SLC14A2: variants seen among roughly 807,000 people sequenced by gnomAD.
The protein encoded by SLC14A2 is solute carrier family 14 member 2, also known as urea transporter 2.
A neutral mutation model predicts 104.6 loss-of-function variants in SLC14A2; 91 were observed. That is an observed-to-expected ratio of 0.87 (90% CI 0.73 to 1.04). The LOEUF (loss-of-function observed/expected upper bound fraction) is 1.04, where lower values mean the gene tolerates loss of function less well. SLC14A2 is among the 50% of genes least tolerant of loss of function. The pLI is 0.00. For synonymous variants in SLC14A2, 476 were observed against 466.4 expected, an observed-to-expected ratio of 1.02 and a Z score of -0.27; for missense variants, 1,189 against 1,156.0, an observed-to-expected ratio of 1.03 and a Z score of -0.41.
intron 1 of SLC14A2, among the ~76,000 whole-genome samples, chr18:45,479,421 A>G (rs1023490257): frequency 6.6e-6 from 1 of 152,224 alleles, no homozygotes; most frequent in African/African-American, 2.4e-5. Flanking sequence ...AAGAACTTTA[A>G]CAATGAATTC....
chr18:45,546,959 A>G (rs1442777522), intron 2 of SLC14A2, among the ~76,000 whole-genome samples: 2 of 152,156 alleles, frequency 1.3e-5, no homozygotes, highest in African/African-American at 2.4e-5. Flanking sequence ...TAGGAAACAC[A>G]TAATCAAACC....
At chr18:45,575,728 T>C (rs1346812608) in intron 2 of SLC14A2, among the ~76,000 whole-genome samples, 1 of 151,924 alleles carries the variant, frequency 6.6e-6, no homozygotes, top group African/African-American at 2.4e-5. Flanking sequence ...TAAATATAAA[T>C]CAAAATAGTT....
At chr18:45,525,790 A>G (rs2043587647) in intron 2 of SLC14A2, among the ~76,000 whole-genome samples, 1 of 152,212 alleles carries the variant, frequency 6.6e-6, no homozygotes, top group Non-Finnish European at 1.5e-5. Context: ...GTCACAATGC[A>G]ATAGCAACTC....
intron 1 of SLC14A2, among the ~76,000 whole-genome samples, chr18:45,301,135 A>G (rs61280740): frequency 0.01 from 1,542 of 152,332 alleles, 25 homozygotes; most frequent in African/African-American, 0.034. Context: ...CATTTTATAA[A>G]GCATCTTCAC....
intron 1 of SLC14A2, among the ~76,000 whole-genome samples, chr18:45,470,899 T>C (rs1717713113): frequency 6.6e-6 from 1 of 152,168 alleles, no homozygotes. Flanking sequence ...TCCCTTCAAC[T>C]TCTGAATTTT....
At chr18:45,292,286 A>T (rs1022864094) in intron 1 of SLC14A2, among the ~76,000 whole-genome samples, 3 of 152,332 alleles carry the variant, frequency 2.0e-5, no homozygotes, top group African/African-American at 7.2e-5. Context: ...AATTATTTCA[A>T]TTTCAGTACC....
In SLC14A2 at chr18:45,670,144, C is replaced by A. The variant is rs186128533; in HGVS notation, c.2229+646C>A. Among the ~76,000 whole-genome samples the A allele has an allele frequency of 5.9e-4, 90 of 152,088 alleles. 1 individual carries two copies. In the East Asian group the frequency reaches 0.016, roughly 26 times the overall value. On this transcript the variant is annotated intron_variant, in intron 16 of 19. Transcript: ENST00000255226. ...AAAAACAAAAACCCCAAAATCAAAT[C>A]GTTTTCTTGCTAAATACTGGTGCTT...
At chr18:45,229,853 T>C (rs985003443) in intron 1 of SLC14A2, among the ~76,000 whole-genome samples, 7 of 149,944 alleles carry the variant, frequency 4.7e-5, no homozygotes, top group African/African-American at 1.7e-4. Context: ...CCCTATGGAA[T>C]GAACATGATT....
At chr18:45,278,312 T>A (rs1396470487) in intron 1 of SLC14A2, among the ~76,000 whole-genome samples, 2 of 152,200 alleles carry the variant, frequency 1.3e-5, no homozygotes, top group African/African-American at 2.4e-5. Context: ...GGTCGGATAA[T>A]TTTTTGTTGT....
At chr18:45,397,662 A>C (rs778497317) in intron 1 of SLC14A2, among the ~76,000 whole-genome samples, 6 of 152,128 alleles carry the variant, frequency 3.9e-5, no homozygotes, top group Non-Finnish European at 8.8e-5. Context: ...GAAGCTCTTA[A>C]GTTTAATTAG....
intron 1 of SLC14A2, among the ~76,000 whole-genome samples, chr18:45,327,929 T>C (rs2085252128): frequency 6.6e-6 from 1 of 152,180 alleles, no homozygotes; most frequent in Non-Finnish European, 1.5e-5. Context: ...GTGCCTACTT[T>C]TCTCTGAACT....
chr18:45,503,128 G>A (rs9944907), intron 2 of SLC14A2, among the ~76,000 whole-genome samples: 4,623 of 152,188 alleles, frequency 0.03, 259 homozygotes, highest in African/African-American at 0.11. Context: ...TGTAATTAAT[G>A]TTGATTGTGG....
intron 1 of SLC14A2, among the ~76,000 whole-genome samples, chr18:45,224,448 T>G (rs939675444): frequency 1.3e-5 from 2 of 152,206 alleles, no homozygotes; most frequent in Non-Finnish European, 2.9e-5. Flanking sequence ...ATGGGTGAGA[T>G]GATGGCTCTG....
intron 2 of SLC14A2, among the ~76,000 whole-genome samples, chr18:45,534,469 A>G (rs1205414746): frequency 2.6e-5 from 4 of 152,214 alleles, no homozygotes; most frequent in Non-Finnish European, 5.9e-5. Flanking sequence ...TATACTGTGT[A>G]AGCAGGCCTC....
chr18:45,657,495 A>G (rs1231286445), intron 10 of SLC14A2, among the ~76,000 whole-genome samples: 1 of 147,130 alleles, frequency 6.8e-6, no homozygotes, highest in Non-Finnish European at 1.5e-5. Context: ...AAGGAAAAAA[A>G]AAAAAAAAGA....
At chr18:45,382,139 T>G (rs2085845268) in intron 1 of SLC14A2, among the ~76,000 whole-genome samples, 1 of 152,194 alleles carries the variant, frequency 6.6e-6, no homozygotes, top group Non-Finnish European at 1.5e-5. Flanking sequence ...GATGGATTTA[T>G]GGTTGGCCAC....
intron 2 of SLC14A2, among the ~76,000 whole-genome samples, chr18:45,518,719 C>T (rs1053346472): frequency 6.6e-6 from 1 of 152,110 alleles, no homozygotes. Context: ...CAGAAAAAGA[C>T]GGATAATCTA....
chr18:45,641,191 C>A lies in SLC14A2; in HGVS notation c.992-18C>A. On this transcript the variant is annotated intron_variant, in intron 7 of 19. Coordinates refer to ENST00000255226, the MANE Select transcript of SLC14A2 (RefSeq NM_007163.4). The stretch of plus-strand genomic sequence containing the variant: ...TGTGGCCCAGAATCAGACAGAAATA[C>A]CACACCTTGTCCCATAGCCCTGTCA... The A allele has an allele frequency of 6.2e-7, 1 of 1,612,610 alleles. No individual in the cohort carries two copies.
At chr18:45,269,442 G>T (rs2144116595) in intron 1 of SLC14A2, among the ~76,000 whole-genome samples, 1 of 152,022 alleles carries the variant, frequency 6.6e-6, no homozygotes, top group South Asian at 2.1e-4. Flanking sequence ...AATGTCCACA[G>T]CCCCCAGCGT....
Sources: allele counts gnomAD v4.1 joint callset (sites outside exome capture counted in the v4.1 genomes callset), GRCh38; gene constraint gnomAD v4.1.1; transcripts MANE v1.5; gene names NCBI Gene and HGNC (gene_info 2026-07-23, HGNC 2026-07-21).